CHD4: variants seen among roughly 807,000 people sequenced by gnomAD.
CHD4 encodes the protein ATP-dependent chromatin remodeler CHD4.
CHD4 carries 35 observed loss-of-function variants against 235.5 expected under a neutral mutation model. That is an observed-to-expected ratio of 0.15 (90% confidence interval 0.11 to 0.20). The LOEUF is 0.20. CHD4 is among the 10% of genes least tolerant of loss of function. The pLI, the probability that CHD4 is intolerant of heterozygous loss-of-function variation, is 1.00. For missense variants in CHD4, 1,329 were observed against 2,432.3 expected, an observed-to-expected ratio of 0.55 and a Z score of 9.54; for synonymous variants, 900 against 850.2, an observed-to-expected ratio of 1.06 and a Z score of -1.02.
At position 6,592,343 on chromosome 12, in the gene CHD4, C is replaced by T. The variant is rs764272928; in HGVS notation, c.2948+50G>A. ...TGGGGGAGGAATAGGAAACACTCTG[C>T]AGACTGGCAGATGTCTAAATGGAGT... is the stretch of plus-strand genomic sequence containing the variant. On this transcript the variant is annotated intron_variant, in intron 19 of 39. Transcript: ENST00000544040. The T allele has an allele frequency of 4.6e-6, 7 of 1,532,782 alleles. No individual in the cohort carries two copies. In the East Asian group the frequency reaches 9.1e-5, roughly 20 times the overall value. The allele number at this position is 1,532,782 out of a possible 1,614,324, so 94.9% of individuals were successfully genotyped here.
chr12:6,581,195 AAAC>A, intron 32 of CHD4, 22 bp from the exon 33 acceptor site: 1 of 1,610,878 alleles, frequency 6.2e-7, no homozygotes, highest in Non-Finnish European at 8.5e-7. Flanking sequence ...AAAAAAACAA[AAAC>A]AAAACAGATG....
rs778144320 is a variant in CHD4, at chr12:6,578,703, C to G, written c.4981+143G>C. ...GAAAATGGTGCCATTGGCCCACTGACAACTAAATGTGGGGACAGGTACAGT... is the reference window on the plus strand; with the variant it reads ...GAAAATGGTGCCATTGGCCCACTGAGAACTAAATGTGGGGACAGGTACAGT... On this transcript the variant is annotated intron_variant, in intron 34 of 39. Coordinates refer to ENST00000544040, the MANE Select transcript of CHD4 (RefSeq NM_001273.5). 9.5e-6 allele frequency: 13 copies of G among 1,370,674 alleles called. No homozygotes were observed. The East Asian group carries it at 2.9e-4, about 30-fold the overall frequency. 84.9% of individuals were successfully genotyped at this position (1,370,674 alleles called of 1,614,324 possible).
chr12:6,605,892 G>C (rs1948686745), intron 2 of CHD4, among the ~76,000 whole-genome samples: 1 of 152,134 alleles, frequency 6.6e-6, no homozygotes, highest in African/African-American at 2.4e-5. Context: ...ACAGATGCCC[G>C]GCTGGTCTTT....
chr12:6,582,328 CTT>C (rs1166499387), intron 29 of CHD4, 47 bp from the exon 30 acceptor site: 12 of 1,514,148 alleles, frequency 7.9e-6, no homozygotes, highest in East Asian at 2.3e-5. Flanking sequence ...CATGCTGACT[CTT>C]AGATTCTTTT....
At chr12:6,601,883 T>C (rs1394165789) in intron 4 of CHD4, 77 bp downstream of exon 4, 1 of 1,566,816 alleles carries the variant, frequency 6.4e-7, no homozygotes. Flanking sequence ...GAAAGTGTTC[T>C]AAAGGGCAGT....
At chr12:6,583,541 A>G (rs1265614411) in intron 25 of CHD4, 163 bp from the exon 26 acceptor site, 16 of 601,660 alleles carry the variant, frequency 2.7e-5, no homozygotes, top group Admixed American at 3.1e-5. Flanking sequence ...TTTGATTGAG[A>G]GTACACAGCT....
rs1453110013 is a variant in CHD4, at chr12:6,573,117, C to G, written c.5514G>C (p.Glu1838Asp). ...LAESHQHLSKESMAGNKPANA... is the reference protein window; with the variant it reads ...LAESHQHLSKDSMAGNKPANA... ...TGGCTGGCTTGTTTCCTGCCATTGACTCCTTGGACAGGTGCTGATGACTTT... is the reference window on the plus strand; with the variant it reads ...TGGCTGGCTTGTTTCCTGCCATTGAGTCCTTGGACAGGTGCTGATGACTTT... The change falls in exon 38 of 40, where the codon GAG (glutamate) becomes GAC (aspartate). Residue 1838 changes from glutamate (E) to aspartate (D), a missense_variant. Coordinates refer to ENST00000544040, the MANE Select transcript of CHD4 (RefSeq NM_001273.5). The G allele has an allele frequency of 6.2e-7, 1 of 1,610,952 alleles. No individual in the cohort carries two copies. Among genetic ancestry groups the G allele is most frequent in the Non-Finnish European group, 8.5e-7 (1 of 1,178,786 alleles).
intron 23 of CHD4, 37 bp downstream of exon 23, chr12:6,588,261 A>C: frequency 6.2e-7 from 1 of 1,607,600 alleles, no homozygotes; most frequent in African/African-American, 1.3e-5. Context: ...CTAGCATAAC[A>C]TGTTACTTAT....
rs1402570871 is a variant in CHD4 at position 6,593,653 on chromosome 12, C to T, written c.2314-37G>A. On this transcript the variant is annotated intron_variant, in intron 15 of 39. Coordinates refer to ENST00000544040, the MANE Select transcript of CHD4 (RefSeq NM_001273.5). This position sits in a 1 kb window ranked among gnomAD's most constrained non-coding sequence, Gnocchi z 4.9. ...AAGAGGAGAGTCAGGACTGAGGGCCCCAGCACACTGCAACCCCAGCGAACA... is the reference window on the plus strand; with the variant it reads ...AAGAGGAGAGTCAGGACTGAGGGCCTCAGCACACTGCAACCCCAGCGAACA... 6.3e-7 allele frequency: 1 copy of T among 1,595,854 alleles called. No homozygotes were observed. Among genetic ancestry groups the T allele is most frequent in the Non-Finnish European group, 8.6e-7 (1 of 1,165,786 alleles).
chr12:6,604,896 AATG>A (rs1948663591), intron 2 of CHD4, among the ~76,000 whole-genome samples: 1 of 151,742 alleles, frequency 6.6e-6, no homozygotes, highest in Non-Finnish European at 1.5e-5. Flanking sequence ...TGGAACCCAG[AATG>A]TTTAGGCAGC....
At chr12:6,575,071 GGCT>G (rs1273818905) in intron 37 of CHD4, among the ~76,000 whole-genome samples, 3 of 151,754 alleles carry the variant, frequency 2.0e-5, no homozygotes, top group Non-Finnish European at 4.4e-5. Context: ...TATCCCCTGT[GGCT>G]GCTTTCACAC....
At chr12:6,604,543 T>C (rs1948657135) in intron 2 of CHD4, among the ~76,000 whole-genome samples, 1 of 151,878 alleles carries the variant, frequency 6.6e-6, no homozygotes, top group South Asian at 2.1e-4. Context: ...TCTTAAGGAC[T>C]TTTCCCCACC....
intron 31 of CHD4, 94 bp downstream of exon 31, chr12:6,581,555 C>A (rs769045295): frequency 6.3e-7 from 1 of 1,581,852 alleles, no homozygotes; most frequent in South Asian, 1.1e-5. Flanking sequence ...GTGTGTCCTG[C>A]CAGACTACCC....
intron 25 of CHD4, among the ~76,000 whole-genome samples, chr12:6,585,926 C>T (rs1428030986): frequency 1.3e-5 from 2 of 151,514 alleles, no homozygotes; most frequent in Non-Finnish European, 2.9e-5. Flanking sequence ...GGTGAAACCC[C>T]GTTTCTACTA....
intron 12 of CHD4, 100 bp downstream of exon 12, chr12:6,597,794 T>C: frequency 1.9e-6 from 2 of 1,068,284 alleles, no homozygotes; most frequent in Non-Finnish European, 2.8e-6. Flanking sequence ...AAAAAACCAG[T>C]GTCTTCCAAG....
intron 23 of CHD4, 80 bp downstream of exon 23, chr12:6,588,218 T>C (rs1474850974): frequency 5.3e-6 from 8 of 1,518,556 alleles, no homozygotes; most frequent in African/African-American, 1.4e-5. Flanking sequence ...TAATTCCAGA[T>C]GGTGGAGCCC....
chr12:6,602,357 C>G lies in CHD4; in HGVS notation c.222+19G>C, dbSNP rs1030095410. ...CCCTTCTTCCTCTGATTCCCCGTAA[C>G]ATTCAGTCACCCACTCACCTCCTTT... On this transcript the variant is annotated intron_variant, in intron 3 of 39. Coordinates refer to ENST00000544040, the MANE Select transcript of CHD4 (RefSeq NM_001273.5). 6 of 1,612,316 alleles carry G rather than the reference C, an allele frequency of 3.7e-6. No individual in the cohort carries two copies. The highest frequency in any genetic ancestry group is 5.1e-6 in the Non-Finnish European group (6 of 1,179,730).
chr12:6,601,216 A>G (rs1948584387), intron 6 of CHD4, 73 bp downstream of exon 6: 1 of 1,578,946 alleles, frequency 6.3e-7, no homozygotes, highest in Non-Finnish European at 8.6e-7. Flanking sequence ...CTGACAGACC[A>G]GCATTCCCAT....
rs756171975 is a variant in CHD4, at chr12:6,581,122, G to T, written c.4831C>A (p.Pro1611Thr). ...TCCACTTTCTCCTCTCCCTCAGGGG[G>T]TTCAACAACGACCTTTTCATCCTCT... ...ASEDEKVVVE[P>T]PEGEEKVEKA... is the part of the protein sequence containing the mutation. The change falls in exon 33 of 40, where the codon CCC becomes ACC. Residue 1611 changes from proline to threonine, a missense_variant. This residue lies in a region of CHD4 where 219 missense variants were observed against 219.3 expected (regional missense o/e 1.00). Coordinates refer to ENST00000544040, the MANE Select transcript of CHD4 (RefSeq NM_001273.5). The T allele has an allele frequency of 1.2e-6, 2 of 1,614,036 alleles. No individual in the cohort carries two copies. Among genetic ancestry groups the T allele is most frequent in the South Asian group, 1.1e-5 (1 of 91,068 alleles).
Sources: allele counts gnomAD v4.1 joint callset (sites outside exome capture counted in the v4.1 genomes callset), GRCh38; gene constraint gnomAD v4.1.1; regional missense constraint gnomAD v4.1.1; non-coding constraint Gnocchi (gnomAD v3.1); transcripts MANE v1.5; gene names NCBI Gene and HGNC (gene_info 2026-07-23, HGNC 2026-07-21).